PCDH15: variants seen among roughly 807,000 people sequenced by gnomAD.
The protein encoded by PCDH15 is protocadherin related 15, also known as protocadherin-15.
PCDH15 carries 129 observed loss-of-function variants against 178.5 expected under a neutral mutation model. The observed-to-expected ratio is 0.72, with a 90% confidence interval of 0.63 to 0.84. PCDH15 has a LOEUF of 0.84. Ranked by LOEUF, PCDH15 falls within the 40% of genes least tolerant of loss-of-function variation. The pLI, the probability that PCDH15 is intolerant of heterozygous loss-of-function variation, is 0.00. For missense variants in PCDH15, 2,230 were observed against 2,099.9 expected, an observed-to-expected ratio of 1.06 and a Z score of -1.21; for synonymous variants, 800 against 732.0, an observed-to-expected ratio of 1.09 and a Z score of -1.50.
chr10:55,500,416 T>C (rs1565199979), intron 2 of PCDH15, among the ~76,000 whole-genome samples: 1 of 151,930 alleles, frequency 6.6e-6, no homozygotes, highest in East Asian at 1.9e-4. Context: ...GCTAAAGAGA[T>C]TGTCAGAATA....
chr10:54,307,128 A>G lies in PCDH15; in HGVS notation c.876+10143T>C, dbSNP rs1240054649. Among the ~76,000 whole-genome samples, 54 of 73,024 alleles carry G rather than the reference A, an allele frequency of 7.4e-4. 8 individuals carry two copies. In the East Asian group the frequency reaches 0.018, roughly 25 times the overall value. 47.9% of individuals were successfully genotyped at this position (73,024 alleles called of 152,430 possible). ...TGTATATATATATATATATATATAT[A>G]TATATATATATATATATATATAAAA... On this transcript the variant is annotated intron_variant, in intron 8 of 37. Transcript: ENST00000644397.
At chr10:55,306,235 C>T (rs949913539) in intron 1 of PCDH15, among the ~76,000 whole-genome samples, 1 of 152,062 alleles carries the variant, frequency 6.6e-6, no homozygotes, top group African/African-American at 2.4e-5. Flanking sequence ...TTGAACTTGC[C>T]CACCTGAAAG....
intron 1 of PCDH15, among the ~76,000 whole-genome samples, chr10:54,730,311 T>G (rs755546458): frequency 1.3e-5 from 2 of 151,452 alleles, no homozygotes; most frequent in African/African-American, 2.4e-5. Context: ...GAAAACCAAA[T>G]GCCATATATT....
intron 2 of PCDH15, among the ~76,000 whole-genome samples, chr10:55,139,809 A>G (rs1261526277): frequency 2.0e-5 from 3 of 151,938 alleles, no homozygotes; most frequent in Non-Finnish European, 4.4e-5. Flanking sequence ...TTTAATCTAT[A>G]TAATATAAAA....
chr10:55,238,753 G>A (rs1841462611), intron 1 of PCDH15, among the ~76,000 whole-genome samples: 1 of 151,464 alleles, frequency 6.6e-6, no homozygotes, highest in South Asian at 2.1e-4. Flanking sequence ...CATAATCATT[G>A]TATGTATCTA....
At chr10:55,025,062 C>G (rs749127494) in intron 2 of PCDH15, among the ~76,000 whole-genome samples, 8 of 152,140 alleles carry the variant, frequency 5.3e-5, no homozygotes, top group Non-Finnish European at 8.8e-5. Context: ...GGCATACAAC[C>G]TCTCTCCCTG....
intron 28 of PCDH15, among the ~76,000 whole-genome samples, chr10:53,843,511 G>A (rs936748907): frequency 2.6e-5 from 4 of 152,004 alleles, no homozygotes; most frequent in Admixed American, 6.5e-5. Context: ...TGTCCATAAT[G>A]ATGTTTATGT....
chr10:53,828,352 T>C (rs964464735), intron 31 of PCDH15, among the ~76,000 whole-genome samples: 1 of 151,962 alleles, frequency 6.6e-6, no homozygotes, highest in Admixed American at 6.6e-5. Context: ...ATGGAAGCTA[T>C]AGGCAAACTA....
intron 3 of PCDH15, among the ~76,000 whole-genome samples, chr10:54,872,652 G>C (rs1306413688): frequency 1.3e-5 from 2 of 152,012 alleles, no homozygotes; most frequent in African/African-American, 4.8e-5. Context: ...TTATGGTAAA[G>C]AGGGTACAAA....
chr10:55,613,798 T>G (rs748951449), intron 2 of PCDH15, among the ~76,000 whole-genome samples: 1 of 152,158 alleles, frequency 6.6e-6, no homozygotes, highest in Non-Finnish European at 1.5e-5. Context: ...GATGCAGCTT[T>G]CAATTACTGA....
chr10:54,506,797 A>G (rs1444270595), intron 3 of PCDH15, among the ~76,000 whole-genome samples: 1 of 152,094 alleles, frequency 6.6e-6, no homozygotes, highest in East Asian at 1.9e-4. Flanking sequence ...GAGACAAAAA[A>G]ATGAAAGAAG....
At chr10:54,758,147 T>C (rs1310589402) in intron 1 of PCDH15, among the ~76,000 whole-genome samples, 1 of 152,246 alleles carries the variant, frequency 6.6e-6, no homozygotes, top group Non-Finnish European at 1.5e-5. Flanking sequence ...TTGTTAACTT[T>C]AATAGTTCCT....
chr10:54,935,599 C>A (rs1168244769), intron 2 of PCDH15, among the ~76,000 whole-genome samples: 2 of 152,068 alleles, frequency 1.3e-5, no homozygotes, highest in African/African-American at 4.8e-5. Context: ...AAATTACACA[C>A]AAAGTAAAAC....
At chr10:55,568,311 G>A (rs1043110099) in intron 2 of PCDH15, among the ~76,000 whole-genome samples, 1 of 151,924 alleles carries the variant, frequency 6.6e-6, no homozygotes, top group African/African-American at 2.4e-5. Context: ...CACTCACAGA[G>A]AGGCAAATAC....
At chr10:54,121,603 T>G (rs1564469378) in intron 15 of PCDH15, among the ~76,000 whole-genome samples, 2 of 151,920 alleles carry the variant, frequency 1.3e-5, no homozygotes, top group African/African-American at 2.4e-5. Flanking sequence ...CAATCAGAAA[T>G]GACAAAAGTG....
intron 1 of PCDH15, among the ~76,000 whole-genome samples, chr10:54,787,782 C>T (rs1173680462): frequency 1.3e-5 from 2 of 151,936 alleles, no homozygotes; most frequent in Non-Finnish European, 2.9e-5. Context: ...AGAGATGCAT[C>T]CCAAATTCAT....
chr10:55,131,711 G>GATA (rs1838049817), intron 2 of PCDH15, among the ~76,000 whole-genome samples: 1 of 44,466 alleles, frequency 2.2e-5, no homozygotes, highest in Non-Finnish European at 8.7e-5. Flanking sequence ...ACCAGGAGTG[G>GATA]GTAGCTCCTC....
chr10:55,340,589 T>C (rs536473886), intron 2 of PCDH15, among the ~76,000 whole-genome samples: 60 of 152,216 alleles, frequency 3.9e-4, no homozygotes, highest in Middle Eastern at 6.8e-3. Flanking sequence ...TATATTCGTG[T>C]ACAACAAATA....
rs115357170 is a variant in PCDH15 at position 55,334,190 on chromosome 10, C to T, written c.-155-167539G>A. ...GAAATGCATTTAGTTTCCCGTATCTCATTACTCTGATGTTCATAACTAGGG... is the reference window on the plus strand; with the variant it reads ...GAAATGCATTTAGTTTCCCGTATCTTATTACTCTGATGTTCATAACTAGGG... On this transcript the variant is annotated intron_variant, in intron 2 of 5. Coordinates refer to the PCDH15 transcript ENST00000613346. Among the ~76,000 whole-genome samples the T allele has an allele frequency of 6.8e-3, 895 of 132,064 alleles. 17 individuals carry two copies. Among genetic ancestry groups the T allele is most frequent in the African/African-American group, 0.026 (841 of 32,276 alleles). 86.6% of individuals were successfully genotyped at this position (132,064 alleles called of 152,430 possible).
Sources: allele counts gnomAD v4.1 joint callset (sites outside exome capture counted in the v4.1 genomes callset), GRCh38; gene constraint gnomAD v4.1.1; transcripts MANE v1.5; gene names NCBI Gene and HGNC (gene_info 2026-07-23, HGNC 2026-07-21).